Variants in TICAM1 observed in about 807,000 individuals in gnomAD.
The protein encoded by TICAM1 is TIR domain-containing adapter molecule 1.
For synonymous variants in TICAM1, 439 were observed against 415.4 expected, an observed-to-expected ratio of 1.06 and a Z score of -0.69; for missense variants, 895 against 938.2, an observed-to-expected ratio of 0.95 and a Z score of 0.60.
rs1480783596 is a variant in TICAM1 at position 4,818,250 on chromosome 19, A to G, written c.128T>C (p.Leu43Pro). ...CAGCTTCAGGAGAACCATGGCATGC[A>G]GGAGGTCCTGCCCCTGGCAGCCTGG... ...PRPGCQGQDLLHAMVLLKLGQ... is the reference protein window; with the variant it reads ...PRPGCQGQDLPHAMVLLKLGQ... Residue 43 changes from leucine to proline, a missense_variant, in exon 2 of 2, where the codon CTG becomes CCG. Coordinates refer to ENST00000248244, the MANE Select transcript of TICAM1 (RefSeq NM_182919.4). The surrounding 1 kb of genome is among the most constrained non-coding windows in gnomAD (Gnocchi z 4.0). 3 of 1,613,210 alleles carry G rather than the reference A, an allele frequency of 1.9e-6. No individual in the cohort carries two copies. In the African/African-American group the frequency reaches 4.0e-5, roughly 22 times the overall value.
At position 4,818,381 on chromosome 19, in the gene TICAM1, C is replaced by T. The variant is rs2093591610; in HGVS notation, c.-4G>A. The T allele has an allele frequency of 3.2e-6, 5 of 1,581,484 alleles. No homozygotes were observed. The East Asian group carries it at 1.1e-4, about 35-fold the overall frequency. On this transcript the variant is annotated 5_prime_UTR_variant, in exon 2 of 2. Coordinates refer to ENST00000248244, the MANE Select transcript of TICAM1 (RefSeq NM_182919.4). The surrounding 1 kb of genome is among the most constrained non-coding windows in gnomAD (Gnocchi z 4.0). ...GTGATGGGCCTGTGCAGGCCATGGG[C>T]ACAGGTGGGTGCAGCCTCCGGCAGC...
At chr19:4,829,805 CTTTTTTTTTTTTT>C (rs539314470) in intron 1 of TICAM1, among the ~76,000 whole-genome samples, 23 of 87,646 alleles carry the variant, frequency 2.6e-4, no homozygotes, top group Admixed American at 4.6e-4. Context: ...AATTTCATTT[CTTTTTTTTTTTTT>C]TTTTTTTTTT....
intron 1 of TICAM1, among the ~76,000 whole-genome samples, chr19:4,831,226 T>G: frequency 6.9e-6 from 1 of 145,186 alleles, no homozygotes; most frequent in African/African-American, 2.6e-5. Context: ...AAATATGGGG[T>G]GTGAGGTAGG....
Position 4,817,752 on chromosome 19 carries a change from A to T in TICAM1, c.626T>A (p.Ile209Asn), listed in dbSNP as rs766336167. The T allele has an allele frequency of 6.2e-7, 1 of 1,602,278 alleles. No individual in the cohort carries two copies. The highest frequency in any genetic ancestry group is 8.5e-7 in the Non-Finnish European group (1 of 1,177,294). ...GAAGGGCATGGTAGGGGACTGGCTG[A>T]TTTCCAAGTTGCTGGCCAGGGAGGC... Reference protein sequence around the residue: ...SPASLASNLEISQSPTMPFLS... With the variant: ...SPASLASNLENSQSPTMPFLS... The change falls in exon 2 of 2, where the codon ATC (isoleucine) becomes AAC (asparagine). Residue 209 changes from isoleucine to asparagine, a missense_variant. Transcript: ENST00000248244. The surrounding 1 kb of genome is among the most constrained non-coding windows in gnomAD (Gnocchi z 4.7).
chr19:4,819,188 C>T (rs1001974590), intron 1 of TICAM1, among the ~76,000 whole-genome samples: 16 of 151,450 alleles, frequency 1.1e-4, no homozygotes, highest in East Asian at 3.9e-4. Context: ...ATGGGAAGAT[C>T]GCTTAAGCCC....
At chr19:4,821,113 T>C (rs1211336521) in intron 1 of TICAM1, among the ~76,000 whole-genome samples, 1 of 151,292 alleles carries the variant, frequency 6.6e-6, no homozygotes, top group African/African-American at 2.4e-5. Context: ...GGAGAATCAC[T>C]TGAACCCAAG....
Position 4,816,468 on chromosome 19 carries a change from T to C in TICAM1, c.1910A>G (p.Gln637Arg). Residue 637 changes from glutamine (Q) to arginine (R), a missense_variant, in exon 2 of 2, where the codon CAG becomes CGG. Coordinates refer to ENST00000248244, the MANE Select transcript of TICAM1 (RefSeq NM_182919.4). The surrounding 1 kb of genome is among the most constrained non-coding windows in gnomAD (Gnocchi z 4.3). The part of the protein sequence containing the change: ...CPQPPPLHAW[Q>R]AGTPPPPSPQ... ...GGAGGGCGGTGGGGGGGTGCCAGCC[T>C]GCCATGCGTGCAGGGGTGGCGGCTG... 1 of 1,554,764 alleles carries C rather than the reference T, an allele frequency of 6.4e-7. No homozygotes were observed. Among genetic ancestry groups the C allele is most frequent in the Non-Finnish European group, 8.7e-7 (1 of 1,152,512 alleles).
chr19:4,824,217 C>T (rs531766608), intron 1 of TICAM1, among the ~76,000 whole-genome samples: 4 of 152,152 alleles, frequency 2.6e-5, no homozygotes, highest in African/African-American at 7.2e-5. Flanking sequence ...CCATGTTGGC[C>T]AGGCTGGTCT....
At position 4,826,075 on chromosome 19, in the gene TICAM1, C is replaced by A. The variant is rs963250439; in HGVS notation, c.-140+5539G>T. Among the ~76,000 whole-genome samples the A allele has an allele frequency of 4.6e-5, 7 of 151,496 alleles. No individual in the cohort carries two copies. The Admixed American group carries it at 4.6e-4, about 10-fold the overall frequency. ...CCTTGGTAGACTGAGGTCAGAGGAT[C>A]GCCTGAGGCCAGGAGAATCAAGGCT... On this transcript the variant is annotated intron_variant, in intron 1 of 1. Transcript: ENST00000248244.
At chr19:4,830,415 C>T (rs574454927) in intron 1 of TICAM1, among the ~76,000 whole-genome samples, 60 of 152,008 alleles carry the variant, frequency 3.9e-4, no homozygotes, top group South Asian at 1.0e-3. Flanking sequence ...GGTGGAGTCT[C>T]GCTATGCTGC....
chr19:4,817,674 T>C lies in TICAM1; in HGVS notation c.704A>G (p.Gln235Arg). ...HGPSKLCDDP[Q>R]ASLVPEPVPG... The stretch of plus-strand genomic sequence containing the variant: ...GACAGGCTCGGGCACCAAGCTGGCC[T>C]GGGGGTCGTCACAGAGCTTGCTGGG... Residue 235 changes from glutamine (Q) to arginine (R), a missense_variant, in exon 2 of 2, where the codon CAG becomes CGG. Coordinates refer to ENST00000248244, the MANE Select transcript of TICAM1 (RefSeq NM_182919.4). This position sits in a 1 kb window ranked among gnomAD's most constrained non-coding sequence, Gnocchi z 4.7. 6.3e-7 allele frequency: 1 copy of C among 1,584,982 alleles called. No homozygotes were observed. The highest frequency in any genetic ancestry group is 8.6e-7 in the Non-Finnish European group (1 of 1,166,092).
At chr19:4,823,792 A>G (rs1395449085) in intron 1 of TICAM1, among the ~76,000 whole-genome samples, 2 of 152,192 alleles carry the variant, frequency 1.3e-5, no homozygotes, top group Non-Finnish European at 2.9e-5. Flanking sequence ...TTGGACTTCC[A>G]GCCTCCATAA....
chr19:4,826,105 T>C (rs2093604996), intron 1 of TICAM1, among the ~76,000 whole-genome samples: 6 of 151,850 alleles, frequency 4.0e-5, no homozygotes, highest in Admixed American at 3.9e-4. Context: ...AAGGCTGCAG[T>C]GACCGGAGAT....
chr19:4,818,336 A>T lies in TICAM1; in HGVS notation c.42T>A (p.Ile14=). The change falls in exon 2 of 2, where the codon ATT becomes ATA. Residue 14 remains isoleucine (I), a synonymous_variant. Coordinates refer to ENST00000248244, the MANE Select transcript of TICAM1 (RefSeq NM_182919.4). The surrounding 1 kb of genome is among the most constrained non-coding windows in gnomAD (Gnocchi z 4.0). ...TGPSLPSAFD[I]LGAAGQDKLL... ...GCTTGTCCTGGCCTGCTGCACCTAG[A>T]ATGTCGAAGGCGCTAGGAAGTGATG... 1.9e-6 allele frequency: 3 copies of T among 1,611,786 alleles called. No homozygotes were observed. The highest frequency in any genetic ancestry group is 2.5e-6 in the Non-Finnish European group (3 of 1,179,424).
intron 1 of TICAM1, among the ~76,000 whole-genome samples, chr19:4,829,024 AG>A (rs1237036016): frequency 1.3e-5 from 2 of 152,104 alleles, no homozygotes; most frequent in South Asian, 2.1e-4. Context: ...TAGTAGAGAC[AG>A]GGTTTCAGGC....
At chr19:4,831,051 A>T (rs1475083120) in intron 1 of TICAM1, among the ~76,000 whole-genome samples, 2 of 151,824 alleles carry the variant, frequency 1.3e-5, no homozygotes, top group African/African-American at 4.8e-5. Flanking sequence ...TTGGGGTGTC[A>T]GGGAGGAATT....
At chr19:4,826,768 A>G (rs1389536832) in intron 1 of TICAM1, among the ~76,000 whole-genome samples, 2 of 152,100 alleles carry the variant, frequency 1.3e-5, no homozygotes, top group Admixed American at 6.6e-5. Context: ...CACAGCTCAT[A>G]AGGGATACAG....
At position 4,830,164 on chromosome 19, in the gene TICAM1, T is replaced by C. The variant is rs144562390; in HGVS notation, c.-140+1450A>G. Among the ~76,000 whole-genome samples the C allele has an allele frequency of 5.5e-3, 843 of 152,132 alleles. 8 individuals are homozygous for C. The highest frequency in any genetic ancestry group is 0.02 in the African/African-American group (830 of 41,484). On this transcript the variant is annotated intron_variant, in intron 1 of 1. Coordinates refer to ENST00000248244, the MANE Select transcript of TICAM1 (RefSeq NM_182919.4). The stretch of plus-strand genomic sequence containing the variant: ...GTGCAGTAGTGGGATCACGGCTCAC[T>C]GCAGCCTTGAACTCCCGGGTTCAAG...
At chr19:4,828,371 G>A (rs892476814) in intron 1 of TICAM1, among the ~76,000 whole-genome samples, 3 of 151,420 alleles carry the variant, frequency 2.0e-5, no homozygotes, top group Non-Finnish European at 4.4e-5. Flanking sequence ...CAAGTAGCTG[G>A]GACTACAGGC....
Sources: gnomAD v4.1 joint callset for allele counts (sites outside exome capture counted in the v4.1 genomes callset) on GRCh38, gnomAD v4.1.1 for gene constraint, Gnocchi (gnomAD v3.1) non-coding constraint, MANE v1.5 for transcripts, NCBI Gene and HGNC (gene_info 2026-07-23, HGNC 2026-07-21) for gene names.